Variants in GARS1 observed in about 807,000 individuals in gnomAD.
The protein encoded by GARS1 is glycyl-tRNA synthetase 1.
Under a neutral mutation model 86.4 loss-of-function variants are expected in GARS1, and 46 were observed. The ratio of observed to expected loss-of-function variants is 0.53; its 90% CI spans 0.42 to 0.68. The LOEUF is 0.68. Among genes scored for constraint, GARS1 ranks in the 30% least tolerant of loss-of-function variants. GARS1 has a pLI of 0.00. For synonymous variants in GARS1, 342 were observed against 329.8 expected, an observed-to-expected ratio of 1.04 and a Z score of -0.40; for missense variants, 797 against 915.6, an observed-to-expected ratio of 0.87 and a Z score of 1.67.
chr7:30,614,407 T>C (rs1782842517), intron 8 of GARS1: 1 of 152,084 alleles, frequency 6.6e-6, no homozygotes, highest in Non-Finnish European at 1.5e-5. Flanking sequence ...CTGTCCCACA[T>C]TGTAGATGTT....
At chr7:30,609,815 G>A in intron 7 of GARS1, 85 bp downstream of exon 7, 3 of 1,354,834 alleles carry the variant, frequency 2.2e-6, no homozygotes, top group Non-Finnish European at 3.1e-6. Flanking sequence ...ATGTTATGAA[G>A]GAAAAATTTT....
chr7:30,626,314 T>C lies in GARS1; in HGVS notation c.1694T>C (p.Leu565Pro). The change falls in exon 13 of 17, where the codon CTA becomes CCA. Residue 565 changes from leucine to proline, a missense_variant. By Grantham distance (98) the Leu-to-Pro change is moderately conservative. Around this residue, in one of 2 missense-constraint regions of GARS1, gnomAD observed 598 missense variants for 738.7 expected, o/e 0.81. Transcript: ENST00000389266. ...MINVKRFQKT[L>P]YVEEVVPNVI... is the part of the protein sequence containing the mutation. ...AATGTGAAGAGATTCCAGAAAACACTATATGGTAAATTTGTAAAAATAATA... is the reference window on the plus strand; with the variant it reads ...AATGTGAAGAGATTCCAGAAAACACCATATGGTAAATTTGTAAAAATAATA... 6.4e-7 allele frequency: 1 copy of C among 1,555,468 alleles called. No homozygotes were observed. The highest frequency in any genetic ancestry group is 8.9e-7 in the Non-Finnish European group (1 of 1,127,036).
chr7:30,622,619 T>C (rs538840179), intron 12 of GARS1, 157 bp downstream of exon 12: 21 of 856,938 alleles, frequency 2.5e-5, no homozygotes, highest in African/African-American at 2.4e-4. Context: ...TTTGGCATTA[T>C]AGCCTGAAAA....
Position 30,600,270 on chromosome 7 carries a change from T to C in GARS1, c.427+221T>C, listed in dbSNP as rs80120450. 7.0e-3 allele frequency among the ~76,000 whole-genome samples: 1,071 copies of C among 152,320 alleles called. 8 individuals are homozygous for C. The highest frequency in any genetic ancestry group is 0.014 in the Middle Eastern group (4 of 294). ...GACAGCACTTTTTTTGATTAGGATG[T>C]AGGGAATTGTTGGAGGCCCATGTAT... On this transcript the variant is annotated intron_variant, in intron 3 of 16. Transcript: ENST00000389266.
Position 30,607,244 on chromosome 7 carries a change from T to G in GARS1, c.736-2341T>G, listed in dbSNP as rs117386613. Among the ~76,000 whole-genome samples, 775 of 152,318 alleles carry G rather than the reference T, an allele frequency of 5.1e-3. 5 individuals carry two copies. The highest frequency in any genetic ancestry group is 0.034 in the Middle Eastern group (10 of 294). On this transcript the variant is annotated intron_variant, in intron 6 of 16. Transcript: ENST00000389266. ...TTTTCAGTATTCAGGGTTTCCTTTT[T>G]AAAAATTTGTTTTATAATCATATAG... is the stretch of plus-strand genomic sequence containing the variant.
chr7:30,627,080 T>C (rs1467033644), intron 13 of GARS1: 2 of 466,438 alleles, frequency 4.3e-6, no homozygotes, highest in African/African-American at 4.0e-5. Flanking sequence ...AATTAGGCAA[T>C]GAGTAATTTG....
chr7:30,623,083 A>T (rs1203141162), intron 12 of GARS1, among the ~76,000 whole-genome samples: 2 of 150,168 alleles, frequency 1.3e-5, no homozygotes, highest in Admixed American at 6.6e-5. Context: ...CCTGGGCAAC[A>T]GAGTGAGACT....
At chr7:30,595,962 C>A in intron 1 of GARS1, 1 of 467,786 alleles carries the variant, frequency 2.1e-6, no homozygotes, top group Non-Finnish European at 4.4e-6. Flanking sequence ...GGCTGAAGGA[C>A]TTGGTGATTT....
chr7:30,625,344 T>G lies in GARS1; in HGVS notation c.1614-890T>G, dbSNP rs553898479. ...TGTATGTAATGGAACCTTGAATGCATGCACACACAGACTTCAGACAGAATA... is the reference window on the plus strand; with the variant it reads ...TGTATGTAATGGAACCTTGAATGCAGGCACACACAGACTTCAGACAGAATA... On this transcript the variant is annotated intron_variant, in intron 12 of 16. Coordinates refer to ENST00000389266, the MANE Select transcript of GARS1 (RefSeq NM_002047.4). Among the ~76,000 whole-genome samples, 27 of 152,332 alleles carry G rather than the reference T, an allele frequency of 1.8e-4. No homozygotes were observed. In the East Asian group the frequency reaches 5.0e-3, roughly 28 times the overall value.
chr7:30,605,393 A>G (rs1000613688), intron 6 of GARS1, among the ~76,000 whole-genome samples: 7 of 152,234 alleles, frequency 4.6e-5, no homozygotes, highest in African/African-American at 1.7e-4. Context: ...AAAATTCAAA[A>G]CATACAAAAT....
At chr7:30,605,965 T>C (rs1791475445) in intron 6 of GARS1, among the ~76,000 whole-genome samples, 1 of 152,216 alleles carries the variant, frequency 6.6e-6, no homozygotes, top group African/African-American at 2.4e-5. Context: ...TCTCTTCCAA[T>C]CTGTATGGCC....
intron 8 of GARS1, among the ~76,000 whole-genome samples, chr7:30,614,629 AC>A (rs1275096927): frequency 6.6e-6 from 1 of 152,196 alleles, no homozygotes; most frequent in Non-Finnish European, 1.5e-5. Context: ...TAATCCCAGC[AC>A]TTTGGGAGGC....
At chr7:30,611,311 C>T (rs1791593329) in intron 7 of GARS1, among the ~76,000 whole-genome samples, 1 of 152,134 alleles carries the variant, frequency 6.6e-6, no homozygotes, top group African/African-American at 2.4e-5. Context: ...TAAATGTGAG[C>T]CTATACTGAT....
intron 14 of GARS1, 123 bp from the exon 15 acceptor site, chr7:30,631,325 C>A: frequency 5.6e-6 from 4 of 715,332 alleles, no homozygotes; most frequent in Non-Finnish European, 9.7e-6. Flanking sequence ...TGTTTTCTGG[C>A]ATTTTGGTAA....
At chr7:30,620,514 C>G (rs1782982386) in intron 10 of GARS1, among the ~76,000 whole-genome samples, 1 of 152,188 alleles carries the variant, frequency 6.6e-6, no homozygotes, top group Non-Finnish European at 1.5e-5. Context: ...CTCCTAATAC[C>G]ATCACATTGG....
At chr7:30,631,867 A>G (rs1410306888) in intron 15 of GARS1, 1 of 383,760 alleles carries the variant, frequency 2.6e-6, no homozygotes, top group Non-Finnish European at 4.9e-6. Context: ...ACAGCCACAG[A>G]ATCCACAGCC....
intron 5 of GARS1, 110 bp downstream of exon 5, chr7:30,603,232 A>G: frequency 1.1e-6 from 1 of 898,776 alleles, no homozygotes. Context: ...TCAAAGAGCA[A>G]AGTGCACAGA....
rs117689584 is a variant in GARS1 at position 30,605,783 on chromosome 7, A to G, written c.735+2211A>G. ...AAAATCCTTTAAAAATAAAGGATTT[A>G]AAAAATCCTTTTCAATCCTCTTACC... On this transcript the variant is annotated intron_variant, in intron 6 of 16. Transcript: ENST00000389266. Among the ~76,000 whole-genome samples, 1,008 of 152,328 alleles carry G rather than the reference A, an allele frequency of 6.6e-3. 7 individuals carry two copies. The highest frequency in any genetic ancestry group is 0.037 in the Middle Eastern group (11 of 294).
At chr7:30,609,047 C>T (rs773062720) in intron 6 of GARS1, among the ~76,000 whole-genome samples, 1 of 152,110 alleles carries the variant, frequency 6.6e-6, no homozygotes, top group African/African-American at 2.4e-5. Flanking sequence ...ATAGAATGTG[C>T]AATACACTGG....
Sources: allele counts gnomAD v4.1 joint callset (sites outside exome capture counted in the v4.1 genomes callset), GRCh38; gene constraint gnomAD v4.1.1; regional missense constraint gnomAD v4.1.1; transcripts MANE v1.5; gene names NCBI Gene and HGNC (gene_info 2026-07-23, HGNC 2026-07-21).